ANKRD30A: variants seen among roughly 807,000 people sequenced by gnomAD.
ANKRD30A encodes ankyrin repeat domain-containing protein 30A.
In ANKRD30A, 170 loss-of-function variants were observed where a neutral mutation model predicts 166.3. The observed-to-expected ratio is 1.02, with a 90% confidence interval of 0.90 to 1.16. The LOEUF (loss-of-function observed/expected upper bound fraction) is 1.16, where lower values mean the gene tolerates loss of function less well. Among genes scored for constraint, ANKRD30A ranks in the 50% most tolerant of loss-of-function variants. The pLI is 0.00. For synonymous variants in ANKRD30A, 564 were observed against 508.9 expected (o/e 1.11, Z -1.46); for missense variants, 1,630 against 1,518.0 (o/e 1.07, Z -1.23).
At chr10:37,254,604 A>G in the ANKRD30A span, among the ~76,000 whole-genome samples, 1 of 150,936 alleles carries the variant, frequency 6.6e-6, no homozygotes, top group African/African-American at 2.4e-5. Context: ...TGTGTTTTAG[A>G]TACATATTTC....
chr10:37,138,878 G>A (rs958458347), intron 6 of ANKRD30A, among the ~76,000 whole-genome samples: 5 of 152,082 alleles, frequency 3.3e-5, no homozygotes, highest in East Asian at 1.9e-4. Flanking sequence ...TACAGAGAAC[G>A]CTGCAAAGAT....
At chr10:37,213,439 C>G (rs974177426) in intron 31 of ANKRD30A, among the ~76,000 whole-genome samples, 3 of 151,724 alleles carry the variant, frequency 2.0e-5, no homozygotes, top group African/African-American at 7.3e-5. Context: ...AATAACATCA[C>G]CTCTATGATT....
intron 7 of ANKRD30A, among the ~76,000 whole-genome samples, chr10:37,142,540 T>TTGG (rs1203871754): frequency 6.6e-6 from 1 of 151,722 alleles, no homozygotes; most frequent in East Asian, 1.9e-4. Context: ...CCAAAGTTGT[T>TTGG]TGGTGGTACA....
intron 31 of ANKRD30A, among the ~76,000 whole-genome samples, chr10:37,203,853 CAG>C (rs1317697323): frequency 2.6e-5 from 4 of 152,158 alleles, no homozygotes; most frequent in African/African-American, 9.7e-5. Flanking sequence ...AACAGACAAA[CAG>C]AGAACCAAAT....
Position 37,162,694 on chromosome 10 carries a change from T to A in ANKRD30A, c.1929+17T>A. The A allele has an allele frequency of 6.2e-7, 1 of 1,612,946 alleles. No homozygotes were observed. Among genetic ancestry groups the A allele is most frequent in the Non-Finnish European group, 8.5e-7 (1 of 1,179,794 alleles). ...GCCTTCGAGGTATTTAGTTTTATGA[T>A]TTCATTTTGAATGACTTATTATCTA... On this transcript the variant is annotated intron_variant, in intron 16 of 35. Transcript: ENST00000361713.
intron 34 of ANKRD30A, among the ~76,000 whole-genome samples, chr10:37,220,720 T>C: frequency 6.6e-6 from 1 of 151,220 alleles, no homozygotes; most frequent in East Asian, 1.9e-4. Context: ...AAGATCATTG[T>C]AGCTCTCTGT....
chr10:37,236,268 T>C (rs1843671214), downstream of ANKRD30A, among the ~76,000 whole-genome samples: 1 of 152,146 alleles, frequency 6.6e-6, no homozygotes, highest in South Asian at 2.1e-4. Context: ...TTGATAGACA[T>C]CAACATACCC....
intron 34 of ANKRD30A, among the ~76,000 whole-genome samples, chr10:37,226,135 C>G (rs949931932): frequency 9.3e-5 from 14 of 150,878 alleles, no homozygotes; most frequent in Non-Finnish European, 1.8e-4. Flanking sequence ...ACTTTAAGTT[C>G]TAGGGTACAT....
At chr10:37,265,721 C>T in the ANKRD30A span, among the ~76,000 whole-genome samples, 1 of 152,234 alleles carries the variant, frequency 6.6e-6, no homozygotes, top group African/African-American at 2.4e-5. Context: ...GGAGGATGTT[C>T]ATGCTGGGGC....
chr10:37,150,756 C>T (rs1166103239), intron 11 of ANKRD30A, among the ~76,000 whole-genome samples: 2 of 151,998 alleles, frequency 1.3e-5, no homozygotes, highest in African/African-American at 4.8e-5. Context: ...AATTTTTATG[C>T]TGATAAGTAA....
chr10:37,253,736 C>T, the ANKRD30A span, among the ~76,000 whole-genome samples: 1 of 151,640 alleles, frequency 6.6e-6, no homozygotes, highest in Admixed American at 6.6e-5. Flanking sequence ...CAAGCGCCAC[C>T]TCCGGGCTTC....
At chr10:37,202,195 GAGA>G (rs1276351085) in intron 31 of ANKRD30A, among the ~76,000 whole-genome samples, 3 of 152,122 alleles carry the variant, frequency 2.0e-5, no homozygotes, top group East Asian at 1.9e-4. Flanking sequence ...TTAGCCAGCG[GAGA>G]AGAAGAAAGG....
chr10:37,147,950 G>C (rs1172438625), intron 9 of ANKRD30A, among the ~76,000 whole-genome samples: 6 of 152,186 alleles, frequency 3.9e-5, no homozygotes, highest in Non-Finnish European at 8.8e-5. Context: ...TACTGGGAAG[G>C]CATTAGGAAT....
In ANKRD30A at chr10:37,219,558, A is replaced by T. The variant is rs1842782239; in HGVS notation, c.3846A>T (p.Glu1282Asp). The T allele has an allele frequency of 5.0e-6, 8 of 1,610,414 alleles. No individual in the cohort carries two copies. Among genetic ancestry groups the T allele is most frequent in the Non-Finnish European group, 6.8e-6 (8 of 1,177,722 alleles). Residue 1282 changes from glutamate to aspartate, a missense_variant, in exon 34 of 36, where the codon GAA becomes GAT. Transcript: ENST00000361713. ...DALRENTLVS[E>D]HAQRDQRETQ... Reference sequence around the variant, plus strand: ...TAAGAGAAAATACATTGGTTTCAGAACATGCACAAAGAGACCAACGTGAAA... The same window carrying T: ...TAAGAGAAAATACATTGGTTTCAGATCATGCACAAAGAGACCAACGTGAAA...
chr10:37,233,345 G>A (rs1055764824), downstream of ANKRD30A, among the ~76,000 whole-genome samples: 1 of 152,104 alleles, frequency 6.6e-6, no homozygotes, highest in African/African-American at 2.4e-5. Flanking sequence ...AAAAGAGGAA[G>A]AATGTTAAAT....
chr10:37,145,192 C>T, intron 8 of ANKRD30A, 136 bp downstream of exon 8: 1 of 656,456 alleles, frequency 1.5e-6, no homozygotes, highest in Non-Finnish European at 2.4e-6. Flanking sequence ...TAAAAACATA[C>T]TTGGCTGGGC....
chr10:37,161,475 A>AT (rs1331333659), intron 15 of ANKRD30A, among the ~76,000 whole-genome samples: 1 of 151,886 alleles, frequency 6.6e-6, no homozygotes, highest in African/African-American at 2.4e-5. Context: ...TTATTTATTT[A>AT]TTTTTTTAGT....
intron 34 of ANKRD30A, among the ~76,000 whole-genome samples, chr10:37,220,241 T>C (rs930330667): frequency 1.5e-4 from 22 of 150,778 alleles, no homozygotes; most frequent in Middle Eastern, 3.4e-3. Flanking sequence ...TTAATGTCTC[T>C]TTGTGGCCAC....
chr10:37,232,654 T>TTTTATATATATATATATA (rs1843466585), downstream of ANKRD30A: 1 of 54,214 alleles, frequency 1.8e-5, no homozygotes, highest in African/African-American at 6.9e-5. Flanking sequence ...AGCATTGGTT[T>TTTTATATATATATATATA]TATATATATA....
Sources: gnomAD v4.1 joint callset for allele counts (sites outside exome capture counted in the v4.1 genomes callset) on GRCh38, gnomAD v4.1.1 for gene constraint, MANE v1.5 for transcripts, NCBI Gene and HGNC (gene_info 2026-07-23, HGNC 2026-07-21) for gene names.